Variants in USP49 observed in about 807,000 individuals in gnomAD.
USP49 encodes ubiquitin carboxyl-terminal hydrolase 49.
Under a neutral mutation model 58.6 loss-of-function variants are expected in USP49, and 24 were observed. That is an observed-to-expected ratio of 0.41 (90% CI 0.30 to 0.58). The LOEUF (loss-of-function observed/expected upper bound fraction) is 0.58, where lower values mean the gene tolerates loss of function less well. Ranked by LOEUF, USP49 falls within the 20% of genes least tolerant of loss-of-function variation. The probability of loss-of-function intolerance (pLI) is 0.30; values close to 1 mark genes in which losing one functional copy is unlikely to be tolerated. For synonymous variants in USP49, 408 were observed against 365.1 expected, an observed-to-expected ratio of 1.12 and a Z score of -1.34; for missense variants, 703 against 866.1, an observed-to-expected ratio of 0.81 and a Z score of 2.36.
intron 7 of USP49, chr6:41,797,763 TAG>T: frequency 1.0e-6 from 1 of 985,898 alleles, no homozygotes; most frequent in Non-Finnish European, 1.2e-6. Context: ...TGTGCAGAAG[TAG>T]CATTACCACA....
intron 3 of USP49, among the ~76,000 whole-genome samples, chr6:41,825,702 T>A (rs932963003): frequency 7.2e-5 from 11 of 152,214 alleles, no homozygotes; most frequent in African/African-American, 2.7e-4. Context: ...ACCTTTAGTT[T>A]ATGAACAAGG....
intron 3 of USP49, among the ~76,000 whole-genome samples, chr6:41,830,127 A>G (rs1233735883): frequency 6.6e-6 from 1 of 152,258 alleles, no homozygotes; most frequent in East Asian, 1.9e-4. Context: ...TTAGCCTTTC[A>G]TTTTCTTATA....
chr6:41,803,746 C>CT lies in USP49; in HGVS notation c.1561+59dup. The CT allele has an allele frequency of 1.3e-6, 2 of 1,580,324 alleles. No individual in the cohort carries two copies. Among genetic ancestry groups the CT allele is most frequent in the Non-Finnish European group, 1.7e-6 (2 of 1,151,078 alleles). On this transcript the variant is annotated intron_variant, in intron 5 of 7. Transcript: ENST00000682992. This position sits in a 1 kb window ranked among gnomAD's most constrained non-coding sequence, Gnocchi z 4.1. ...TTGACTAAAGAGGACAAAGCAGCAC[C>CT]TTAAACTGATATTCCAATTATTCTT...
At chr6:41,797,780 A>G in intron 7 of USP49, 1 of 985,910 alleles carries the variant, frequency 1.0e-6, no homozygotes, top group Non-Finnish European at 1.2e-6. Context: ...ACCACAAAAC[A>G]GTAATATTAT....
At chr6:41,828,869 C>G (rs1454841109) in intron 3 of USP49, among the ~76,000 whole-genome samples, 1 of 151,744 alleles carries the variant, frequency 6.6e-6, no homozygotes, top group Non-Finnish European at 1.5e-5. Context: ...TCCTCCTAGC[C>G]TCACCCTTAA....
intron 2 of USP49, among the ~76,000 whole-genome samples, chr6:41,882,208 C>T (rs1774620477): frequency 6.6e-6 from 1 of 152,100 alleles, no homozygotes; most frequent in Non-Finnish European, 1.5e-5. Context: ...GTCACAATGA[C>T]AGGGCAACAC....
intron 3 of USP49, among the ~76,000 whole-genome samples, chr6:41,831,935 C>T (rs544799640): frequency 2.0e-5 from 3 of 152,216 alleles, no homozygotes; most frequent in Admixed American, 6.5e-5. Context: ...TGCTATCCTT[C>T]CTCTTCTGTA....
At chr6:41,851,136 A>G (rs1299528308) in intron 3 of USP49, among the ~76,000 whole-genome samples, 1 of 152,222 alleles carries the variant, frequency 6.6e-6, no homozygotes, top group Non-Finnish European at 1.5e-5. Context: ...TTCCAAGCTC[A>G]TTCTATGATG....
chr6:41,816,457 T>C (rs1773352137), intron 3 of USP49, among the ~76,000 whole-genome samples: 1 of 152,180 alleles, frequency 6.6e-6, no homozygotes, highest in Non-Finnish European at 1.5e-5. Flanking sequence ...TTCCTGTGTC[T>C]GTAATTACAT....
At chr6:41,833,833 C>T (rs1217354440) in intron 3 of USP49, among the ~76,000 whole-genome samples, 1 of 152,198 alleles carries the variant, frequency 6.6e-6, no homozygotes, top group Non-Finnish European at 1.5e-5. Flanking sequence ...ATTTATTAAC[C>T]TAGTCCACAC....
At chr6:41,830,445 A>G (rs915893500) in intron 3 of USP49, among the ~76,000 whole-genome samples, 2 of 152,228 alleles carry the variant, frequency 1.3e-5, no homozygotes, top group Non-Finnish European at 2.9e-5. Flanking sequence ...GAAATTCCAT[A>G]TAAGTTTATA....
In USP49 at chr6:41,803,031, TGACA is replaced by T. The variant is rs1476235691; in HGVS notation, c.1561+771_1561+774del. Among the ~76,000 whole-genome samples the T allele has an allele frequency of 6.6e-6, 1 of 152,242 alleles. No individual in the cohort carries two copies. The highest frequency in any genetic ancestry group is 2.4e-5 in the African/African-American group (1 of 41,468). On this transcript the variant is annotated intron_variant, in intron 5 of 7. Coordinates refer to ENST00000682992, the MANE Select transcript of USP49 (RefSeq NM_001286554.2). The surrounding 1 kb of genome is among the most constrained non-coding windows in gnomAD (Gnocchi z 4.1). ...CTGTACCAATCTTTAGCATCACTTT[TGACA>T]GACATTAAGTCTACCAGTTCAGTAC...
intron 2 of USP49, among the ~76,000 whole-genome samples, chr6:41,872,376 C>T (rs562496496): frequency 4.0e-5 from 6 of 150,928 alleles, no homozygotes; most frequent in African/African-American, 9.7e-5. Flanking sequence ...GCCGGGCGTC[C>T]GCCGCCCCAT....
In USP49 at chr6:41,874,400, C is replaced by T. The variant is rs548044384; in HGVS notation, c.-102-2763G>A. Among the ~76,000 whole-genome samples the T allele has an allele frequency of 2.0e-5, 3 of 152,252 alleles. No individual in the cohort carries two copies. In the South Asian group the frequency reaches 6.2e-4, roughly 32 times the overall value. On this transcript the variant is annotated intron_variant, in intron 2 of 7. Transcript: ENST00000682992. Reference sequence around the variant, plus strand: ...GAAAATCCATTCTTGAAACCTTACCCAATTTACTCTTATTCTGCCAAACAA... The same window carrying T: ...GAAAATCCATTCTTGAAACCTTACCTAATTTACTCTTATTCTGCCAAACAA...
intron 3 of USP49, among the ~76,000 whole-genome samples, chr6:41,809,699 G>A (rs1473569653): frequency 2.0e-5 from 3 of 151,366 alleles, no homozygotes; most frequent in Non-Finnish European, 2.9e-5. Flanking sequence ...GGTGGTGGGC[G>A]CCTGTGGTCC....
chr6:41,890,423 T>C (rs1774792516), intron 2 of USP49, among the ~76,000 whole-genome samples: 1 of 149,984 alleles, frequency 6.7e-6, no homozygotes, highest in Non-Finnish European at 1.5e-5. Flanking sequence ...CCAATTAAAG[T>C]ATTAGGAGGC....
chr6:41,867,679 G>T (rs552541105), intron 3 of USP49, among the ~76,000 whole-genome samples: 2 of 151,944 alleles, frequency 1.3e-5, no homozygotes, highest in South Asian at 4.2e-4. Context: ...GTGAACCCAG[G>T]AGGCGGAGCT....
chr6:41,887,675 T>C (rs964721944), intron 2 of USP49, among the ~76,000 whole-genome samples: 1 of 152,228 alleles, frequency 6.6e-6, no homozygotes, highest in Non-Finnish European at 1.5e-5. Flanking sequence ...CTAACCAACA[T>C]CTGCCCCCAA....
chr6:41,883,919 T>C (rs903971135), intron 2 of USP49, among the ~76,000 whole-genome samples: 1 of 152,190 alleles, frequency 6.6e-6, no homozygotes, highest in Non-Finnish European at 1.5e-5. Flanking sequence ...GGTATCATTG[T>C]TTATGGTAGC....
Sources: gnomAD v4.1 joint callset for allele counts (sites outside exome capture counted in the v4.1 genomes callset) on GRCh38, gnomAD v4.1.1 for gene constraint, Gnocchi (gnomAD v3.1) non-coding constraint, MANE v1.5 for transcripts, NCBI Gene and HGNC (gene_info 2026-07-23, HGNC 2026-07-21) for gene names.